Variants in ADARB2 observed in about 807,000 individuals in gnomAD.
The protein encoded by ADARB2 is adenosine deaminase RNA specific B2 (inactive), also known as inactive double-stranded RNA-specific editase B2.
ADARB2 carries 25 observed loss-of-function variants against 62.2 expected under a neutral mutation model. The observed-to-expected ratio is 0.40, with a 90% CI of 0.29 to 0.56. The LOEUF is 0.56. ADARB2 is among the 20% of genes least tolerant of loss of function. The probability of loss-of-function intolerance (pLI) is 0.43; values close to 1 mark genes in which losing one functional copy is unlikely to be tolerated. For synonymous variants in ADARB2, 572 were observed against 500.8 expected, an observed-to-expected ratio of 1.14 and a Z score of -1.90; for missense variants, 1,071 against 1,077.4, an observed-to-expected ratio of 0.99 and a Z score of 0.08.
At chr10:1,537,676 G>A (rs1832351192) in intron 1 of ADARB2, among the ~76,000 whole-genome samples, 1 of 152,206 alleles carries the variant, frequency 6.6e-6, no homozygotes, top group African/African-American at 2.4e-5. Flanking sequence ...GATGGATGAA[G>A]CTGGAAACCA....
In ADARB2 at chr10:1,704,134, C is replaced by G. The variant is rs1834858537; in HGVS notation, c.100+32917G>C. 6.6e-6 allele frequency among the ~76,000 whole-genome samples: 1 copy of G among 152,204 alleles called. No homozygotes were observed. The highest frequency in any genetic ancestry group is 2.1e-4 in the South Asian group (1 of 4,820). ...TTGCTGTAAGACAGCGGTCCTGTCC[C>G]CAACCTTTCTGGCACCAGGGATGGC... is the stretch of plus-strand genomic sequence containing the variant. On this transcript the variant is annotated intron_variant, in intron 1 of 9. Coordinates refer to ENST00000381312, the MANE Select transcript of ADARB2 (RefSeq NM_018702.4). The surrounding 1 kb of genome is among the most constrained non-coding windows in gnomAD (Gnocchi z 5.6).
At chr10:1,729,836 A>ACGTC (rs1835210498) in intron 1 of ADARB2, among the ~76,000 whole-genome samples, 1 of 152,222 alleles carries the variant, frequency 6.6e-6, no homozygotes, top group East Asian at 1.9e-4. Context: ...TCCTATTTTA[A>ACGTC]TACCACCTTT....
At chr10:1,248,212 G>A (rs1199994320) in intron 4 of ADARB2, among the ~76,000 whole-genome samples, 1 of 152,036 alleles carries the variant, frequency 6.6e-6, no homozygotes, top group Non-Finnish European at 1.5e-5. Context: ...TGTGCGACGT[G>A]TCAGTCATGA....
At chr10:1,297,382 C>G (rs1016814205) in intron 3 of ADARB2, among the ~76,000 whole-genome samples, 29 of 152,198 alleles carry the variant, frequency 1.9e-4, no homozygotes, top group Admixed American at 1.7e-3. Context: ...TTTACACATC[C>G]AGTTATTTTA....
chr10:1,521,592 G>C (rs746412888), intron 1 of ADARB2, among the ~76,000 whole-genome samples: 23 of 152,154 alleles, frequency 1.5e-4, no homozygotes, highest in Non-Finnish European at 3.1e-4. Flanking sequence ...AACATTTACA[G>C]CCTCTTCTCT....
intron 1 of ADARB2, among the ~76,000 whole-genome samples, chr10:1,690,475 G>A (rs1486279722): frequency 6.6e-6 from 1 of 152,172 alleles, no homozygotes; most frequent in Non-Finnish European, 1.5e-5. Context: ...GAGCCGTGGA[G>A]CTCTGAATAC....
rs1588296993 is a variant in ADARB2, at chr10:1,547,021, G to A, written c.101-167861C>T. ...GGTCAGTAAACACAGCCTGGCAGGA[G>A]CAGACAGAAGCCATTCGTCGAGAGC... On this transcript the variant is annotated intron_variant, in intron 1 of 9. Transcript: ENST00000381312. 2.6e-5 allele frequency among the ~76,000 whole-genome samples: 4 copies of A among 152,346 alleles called. No homozygotes were observed. In the Middle Eastern group the frequency reaches 0.01, roughly 389 times the overall value.
intron 4 of ADARB2, among the ~76,000 whole-genome samples, chr10:1,252,156 A>C (rs974409189): frequency 7.9e-5 from 12 of 152,226 alleles, no homozygotes; most frequent in Non-Finnish European, 2.9e-5. Context: ...TTTTAAAGGT[A>C]AATTTCTTAT....
At chr10:1,629,945 C>T (rs189511164) in intron 1 of ADARB2, among the ~76,000 whole-genome samples, 106 of 151,598 alleles carry the variant, frequency 7.0e-4, no homozygotes, top group African/African-American at 2.3e-3. Context: ...CAAAACCAAC[C>T]CCCGTCATTC....
At chr10:1,201,636 C>G (rs1187947700) in intron 7 of ADARB2, among the ~76,000 whole-genome samples, 2 of 150,700 alleles carry the variant, frequency 1.3e-5, no homozygotes, top group Non-Finnish European at 2.9e-5. Context: ...CCACAGAGCA[C>G]CTGTCACTGA....
chr10:1,234,873 T>G (rs1830849700), intron 5 of ADARB2, among the ~76,000 whole-genome samples: 1 of 149,818 alleles, frequency 6.7e-6, no homozygotes, highest in South Asian at 2.1e-4. Flanking sequence ...CTCAGCCTCC[T>G]GAGTAGTTGG....
In ADARB2 at chr10:1,541,900, T is replaced by C. The variant is rs375985234; in HGVS notation, c.101-162740A>G. The stretch of plus-strand genomic sequence containing the variant: ...CACAGCCGCCCAGACCGCACTCAGA[T>C]GTAGTTCAGACCCTGGATCACAGCC... On this transcript the variant is annotated intron_variant, in intron 1 of 9. Coordinates refer to ENST00000381312, the MANE Select transcript of ADARB2 (RefSeq NM_018702.4). 5.0e-4 allele frequency among the ~76,000 whole-genome samples: 7 copies of C among 13,924 alleles called. 1 individual carries two copies. Among genetic ancestry groups the C allele is most frequent in the African/African-American group, 1.6e-3 (5 of 3,176 alleles). 9.1% of individuals were successfully genotyped at this position (13,924 alleles called of 152,430 possible).
intron 1 of ADARB2, among the ~76,000 whole-genome samples, chr10:1,596,816 T>C (rs1034779398): frequency 6.6e-6 from 1 of 152,064 alleles, no homozygotes. Context: ...AAAGCAAGGG[T>C]GTCCCGCAGC....
intron 1 of ADARB2, among the ~76,000 whole-genome samples, chr10:1,648,903 A>G (rs1353066308): frequency 1.3e-5 from 2 of 152,196 alleles, no homozygotes; most frequent in Non-Finnish European, 2.9e-5. Flanking sequence ...TGACGCTGAC[A>G]TTCAACAACT....
Position 1,242,265 on chromosome 10 carries a change from C to T in ADARB2, c.1227G>A (p.Leu409=), listed in dbSNP as rs1405299657. The T allele has an allele frequency of 1.3e-6, 2 of 1,579,530 alleles. No homozygotes were observed. Among genetic ancestry groups the T allele is most frequent in the Non-Finnish European group, 1.7e-6 (2 of 1,164,552 alleles). Residue 409 remains leucine, a synonymous_variant, in exon 5 of 10, where the codon CTG becomes CTA. Transcript: ENST00000381312. ...CGCTGATGCACTTGGTCCCCGAGGA[C>T]AGGGCCACGACCTGCGCCTGCCGAG... ...LDARQAQVVA[L]SSGTKCISGE...
chr10:1,256,534 C>G (rs1281840071), intron 4 of ADARB2, among the ~76,000 whole-genome samples: 1 of 152,184 alleles, frequency 6.6e-6, no homozygotes, highest in African/African-American at 2.4e-5. Context: ...TATCTCACTT[C>G]CTGCAGCCAG....
At position 1,246,229 on chromosome 10, in the gene ADARB2, G is replaced by C. The variant is rs529769092; in HGVS notation, c.1193-3930C>G. On this transcript the variant is annotated intron_variant, in intron 4 of 9. Transcript: ENST00000381312. The stretch of plus-strand genomic sequence containing the variant: ...TTTGTTTGAGTTCATTGTAGATTCT[G>C]GATATTAGCCCTTTGTCAGATGAGT... Among the ~76,000 whole-genome samples the C allele has an allele frequency of 3.2e-3, 491 of 151,812 alleles. 1 individual carries two copies. Among genetic ancestry groups the C allele is most frequent in the African/African-American group, 0.011 (458 of 41,364 alleles).
intron 7 of ADARB2, among the ~76,000 whole-genome samples, chr10:1,210,079 A>C: frequency 6.6e-6 from 1 of 152,188 alleles, no homozygotes; most frequent in East Asian, 1.9e-4. Flanking sequence ...ATTGGTCCTA[A>C]AGGTGATGCC....
At chr10:1,643,018 G>A (rs1336627695) in intron 1 of ADARB2, among the ~76,000 whole-genome samples, 1 of 152,228 alleles carries the variant, frequency 6.6e-6, no homozygotes, top group Admixed American at 6.5e-5. Context: ...AGGCCTGGGT[G>A]TTTATTCAGG....
Sources: gnomAD v4.1 joint callset for allele counts (sites outside exome capture counted in the v4.1 genomes callset) on GRCh38, gnomAD v4.1.1 for gene constraint, Gnocchi (gnomAD v3.1) non-coding constraint, MANE v1.5 for transcripts, NCBI Gene and HGNC (gene_info 2026-07-23, HGNC 2026-07-21) for gene names.